Variants in HOMER2 observed in about 807,000 individuals in gnomAD.
The protein encoded by HOMER2 is homer protein homolog 2.
A neutral mutation model predicts 47.0 loss-of-function variants in HOMER2; 27 were observed. The ratio of observed to expected loss-of-function variants is 0.57; its 90% CI spans 0.42 to 0.79. The LOEUF is 0.79. HOMER2 is among the 30% of genes least tolerant of loss of function. The pLI, the probability that HOMER2 is intolerant of heterozygous loss-of-function variation, is 0.00. For synonymous variants in HOMER2, 161 were observed against 163.8 expected (o/e 0.98, Z 0.13); for missense variants, 443 against 435.0 (o/e 1.02, Z -0.16).
At chr15:82,911,458 C>T (rs934216147) in intron 1 of HOMER2, among the ~76,000 whole-genome samples, 3 of 152,130 alleles carry the variant, frequency 2.0e-5, no homozygotes, top group Non-Finnish European at 2.9e-5. Flanking sequence ...GGAAAAAAAG[C>T]TGTTTTTTTA....
chr15:82,943,816 C>T (rs531853884), intron 1 of HOMER2, among the ~76,000 whole-genome samples: 2 of 152,334 alleles, frequency 1.3e-5, no homozygotes, highest in East Asian at 3.9e-4. Flanking sequence ...AAGAAAGGGG[C>T]CTCCTAGAGC....
intron 1 of HOMER2, among the ~76,000 whole-genome samples, chr15:82,951,630 G>C (rs762010685): frequency 2.0e-5 from 3 of 152,232 alleles, no homozygotes; most frequent in Non-Finnish European, 4.4e-5. Context: ...TAGGAATTCT[G>C]GTTCACTTAC....
intron 1 of HOMER2, among the ~76,000 whole-genome samples, chr15:82,903,431 G>A (rs918769483): frequency 2.2e-4 from 34 of 151,644 alleles, no homozygotes; most frequent in African/African-American, 7.8e-4. Flanking sequence ...TGACAAACAT[G>A]GAGAAACCCT....
At chr15:82,945,044 A>G (rs1658120835) in intron 1 of HOMER2, among the ~76,000 whole-genome samples, 1 of 152,136 alleles carries the variant, frequency 6.6e-6, no homozygotes, top group African/African-American at 2.4e-5. Flanking sequence ...CCTTAGCAAC[A>G]ACGATGAATC....
downstream of HOMER2, chr15:82,845,260 A>ACG (rs1555416830): frequency 4.9e-3 from 702 of 144,678 alleles, 5 homozygotes; most frequent in Non-Finnish European, 8.1e-3. Flanking sequence ...ACACACACAC[A>ACG]CGCGTGCGCA....
At chr15:82,880,695 G>T (rs1018233971) in intron 2 of HOMER2, among the ~76,000 whole-genome samples, 12 of 152,328 alleles carry the variant, frequency 7.9e-5, no homozygotes, top group African/African-American at 2.9e-4. Context: ...CGAGGAGGTG[G>T]CTGGACCTGT....
At chr15:82,969,130 C>T (rs778383246) in intron 1 of HOMER2, among the ~76,000 whole-genome samples, 9 of 152,210 alleles carry the variant, frequency 5.9e-5, no homozygotes, top group Non-Finnish European at 8.8e-5. Context: ...TGTTAAATAG[C>T]TGCTTAAAAC....
upstream of HOMER2, among the ~76,000 whole-genome samples, chr15:82,957,274 C>T (rs985156391): frequency 4.1e-5 from 6 of 145,800 alleles, no homozygotes; most frequent in East Asian, 4.2e-4. Flanking sequence ...AGTGAGACTC[C>T]GTCTCAAAAA....
chr15:82,925,516 A>G (rs1238307887), intron 1 of HOMER2, among the ~76,000 whole-genome samples: 1 of 152,194 alleles, frequency 6.6e-6, no homozygotes, highest in East Asian at 1.9e-4. Flanking sequence ...GGCTGGAGTT[A>G]GTTTGCACTA....
chr15:82,961,367 C>T (rs1235407040), intron 1 of HOMER2, among the ~76,000 whole-genome samples: 2 of 152,262 alleles, frequency 1.3e-5, no homozygotes, highest in Non-Finnish European at 2.9e-5. Context: ...GCCTCTGTGA[C>T]AGACCCCTCC....
At chr15:82,968,741 A>G (rs576980803) in intron 1 of HOMER2, among the ~76,000 whole-genome samples, 5 of 152,368 alleles carry the variant, frequency 3.3e-5, no homozygotes, top group Non-Finnish European at 5.9e-5. Flanking sequence ...GGGCTATAGA[A>G]ATTAACAAAA....
At chr15:82,880,708 G>A (rs1399972132) in intron 2 of HOMER2, among the ~76,000 whole-genome samples, 2 of 152,218 alleles carry the variant, frequency 1.3e-5, no homozygotes, top group African/African-American at 4.8e-5. Context: ...GGACCTGTGG[G>A]TTCTGGCGTC....
chr15:82,891,492 G>A (rs2052702100), intron 2 of HOMER2, among the ~76,000 whole-genome samples: 1 of 152,138 alleles, frequency 6.6e-6, no homozygotes, highest in South Asian at 2.1e-4. Context: ...GAAGAGATCG[G>A]GAGGCACCAG....
chr15:82,913,271 G>C lies in HOMER2; in HGVS notation c.6-20430C>G, dbSNP rs540422394. Among the ~76,000 whole-genome samples the C allele has an allele frequency of 1.7e-4, 26 of 152,260 alleles. No homozygotes were observed. The highest frequency in any genetic ancestry group is 5.8e-4 in the African/African-American group (24 of 41,554). On this transcript the variant is annotated intron_variant, in intron 1 of 8. Coordinates refer to ENST00000450735, the MANE Select transcript of HOMER2 (RefSeq NM_004839.4). This position sits in a 1 kb window ranked among gnomAD's most constrained non-coding sequence, Gnocchi z 4.1. ...GTTATGGCAGCCACCAGTGCCCAAG[G>C]AGAACATCCACTTTTCTTACTTTGC...
chr15:82,915,684 A>T (rs1357287198), intron 1 of HOMER2, among the ~76,000 whole-genome samples: 1 of 152,174 alleles, frequency 6.6e-6, no homozygotes, highest in Non-Finnish European at 1.5e-5. Flanking sequence ...TAAATAGATA[A>T]ATAAAGCCTT....
chr15:82,867,824 C>T (rs1034208227), intron 3 of HOMER2, among the ~76,000 whole-genome samples: 1 of 152,108 alleles, frequency 6.6e-6, no homozygotes, highest in Non-Finnish European at 1.5e-5. Flanking sequence ...AAAAAAGGCC[C>T]TCAATACCAA....
chr15:82,897,330 T>C (rs552520206), intron 1 of HOMER2, among the ~76,000 whole-genome samples: 12 of 152,028 alleles, frequency 7.9e-5, no homozygotes, highest in Non-Finnish European at 1.3e-4. Context: ...TCCCAAAGTG[T>C]TGGGATTACA....
rs2054536652 is a variant in HOMER2, at chr15:82,952,719, G to A, written c.-184C>T. On this transcript the variant is annotated 5_prime_UTR_variant, in exon 1 of 9. Transcript: ENST00000450735. ...GCCACTGCCGCCACCGCCGCCAGGC[G>A]CGGGCGGGCGGGGGCTGGGCGGCCG... 1 of 980,988 alleles carries A rather than the reference G, an allele frequency of 1.0e-6. No individual in the cohort carries two copies. The highest frequency in any genetic ancestry group is 1.8e-5 in the African/African-American group (1 of 56,762). The allele number at this position is 980,988 out of a possible 1,614,324, so 60.8% of individuals were successfully genotyped here.
intron 1 of HOMER2, among the ~76,000 whole-genome samples, chr15:82,975,048 C>A (rs2030156503): frequency 6.6e-6 from 1 of 152,034 alleles, no homozygotes; most frequent in Non-Finnish European, 1.5e-5. Flanking sequence ...CCAGCCTGGG[C>A]AACAGAGAGA....
Sources: gnomAD v4.1 joint callset for allele counts (sites outside exome capture counted in the v4.1 genomes callset) on GRCh38, gnomAD v4.1.1 for gene constraint, Gnocchi (gnomAD v3.1) non-coding constraint, MANE v1.5 for transcripts, NCBI Gene and HGNC (gene_info 2026-07-23, HGNC 2026-07-21) for gene names.